FBXO17: variants seen among roughly 807,000 people sequenced by gnomAD.
FBXO17 encodes F-box only protein 17.
FBXO17 carries 43 observed loss-of-function variants against 34.1 expected under a neutral mutation model. That is an observed-to-expected ratio of 1.26 (90% confidence interval 0.99 to 1.62). The LOEUF (loss-of-function observed/expected upper bound fraction) is 1.62. FBXO17 is among the 40% of genes most tolerant of loss of function. The probability of loss-of-function intolerance (pLI) is 0.00; values close to 1 mark genes in which losing one functional copy is unlikely to be tolerated. For synonymous variants in FBXO17, 169 were observed against 166.0 expected (o/e 1.02, Z -0.14); for missense variants, 424 against 386.7 (o/e 1.10, Z -0.81).
intron 3 of FBXO17, 51 bp from the exon 4 acceptor site, chr19:38,946,618 T>G: frequency 6.2e-7 from 1 of 1,604,064 alleles, no homozygotes; most frequent in Non-Finnish European, 8.5e-7. Context: ...GGCATTCAAG[T>G]CACAGTCAGA....
chr19:38,947,204 T>A (rs1171394513), intron 3 of FBXO17: 1 of 152,996 alleles, frequency 6.5e-6, no homozygotes, highest in East Asian at 1.9e-4. Context: ...TAAACAGTCC[T>A]TCTCCTCAAA....
At chr19:38,945,437 G>A in intron 4 of FBXO17, 1 of 313,498 alleles carries the variant, frequency 3.2e-6, no homozygotes, top group Non-Finnish European at 5.8e-6. Context: ...GGGTGGTCCT[G>A]GGGGAGGAGT....
In FBXO17 at chr19:38,969,103, C is replaced by T. The variant is rs185052028; in HGVS notation, c.-18+6483G>A. Among the ~76,000 whole-genome samples the T allele has an allele frequency of 3.3e-5, 5 of 152,122 alleles. No homozygotes were observed. The East Asian group carries it at 7.7e-4, about 23-fold the overall frequency. ...AACTTTGCAATTAAAGCATGTAGGG[C>T]TTAAATATGGAAACAGAACAGACTG... On this transcript the variant is annotated intron_variant, in intron 1 of 5. Transcript: ENST00000292852.
At chr19:38,972,548 G>GAAA (rs71167607) in intron 1 of FBXO17, among the ~76,000 whole-genome samples, 1 of 138,076 alleles carries the variant, frequency 7.2e-6, no homozygotes, top group Non-Finnish European at 1.6e-5. Flanking sequence ...CCATCTCAAA[G>GAAA]AAAAAAAAAA....
In FBXO17 at chr19:38,941,788, C is replaced by T. The variant is rs1974890115; in HGVS notation, c.*820G>A. The T allele has an allele frequency of 6.6e-6, 1 of 152,120 alleles. No homozygotes were observed. Among genetic ancestry groups the T allele is most frequent in the African/African-American group, 2.4e-5 (1 of 41,418 alleles). The allele number at this position is 152,120 out of a possible 1,614,324, so 9.4% of individuals were successfully genotyped here. ...GTGCTGCAGATATTTTGTTTATGGC[C>T]AGTTTTGGGGCCAGTTTATGGCCAG... is the stretch of plus-strand genomic sequence containing the variant. On this transcript the variant is annotated 3_prime_UTR_variant, in exon 6 of 6. Coordinates refer to ENST00000292852, the MANE Select transcript of FBXO17 (RefSeq NM_024907.7).
rs1422451827 is a variant in FBXO17 at position 38,956,311 on chromosome 19, T to C, written c.-17-5975A>G. On this transcript the variant is annotated intron_variant, in intron 1 of 5. Coordinates refer to ENST00000292852, the MANE Select transcript of FBXO17 (RefSeq NM_024907.7). ...ATGTCAGGAATTTTTGCTACATTCA[T>C]GGACTACTTGCCTGACACAGGCTTA... Among the ~76,000 whole-genome samples the C allele has an allele frequency of 2.0e-5, 3 of 151,888 alleles. No individual in the cohort carries two copies. The East Asian group carries it at 5.8e-4, about 29-fold the overall frequency.
In FBXO17 at chr19:38,948,585, CAGGTCTGCGA is replaced by C. The variant is rs1375329744; in HGVS notation, c.433_442del (p.Ser145AlafsTer3). The C allele has an allele frequency of 1.2e-6, 2 of 1,613,896 alleles. No individual in the cohort carries two copies. Among genetic ancestry groups the C allele is most frequent in the Non-Finnish European group, 1.7e-6 (2 of 1,179,936 alleles). On this transcript the variant is annotated frameshift_variant, in exon 3 of 6. Transcript: ENST00000292852. LOFTEE classifies it high-confidence loss of function. ...CACTCACTCGAAAGAGGTCACGAAG[CAGGTCTGCGA>C]AGGAGCCCCAGGCACCGGTGTTAGG...
At chr19:38,969,965 AG>A (rs1462414883) in intron 1 of FBXO17, among the ~76,000 whole-genome samples, 3 of 152,018 alleles carry the variant, frequency 2.0e-5, no homozygotes, top group Non-Finnish European at 4.4e-5. Context: ...ACTCCACCCC[AG>A]AGCCAGAAAA....
At chr19:38,965,902 A>C (rs1380221227) in intron 1 of FBXO17, among the ~76,000 whole-genome samples, 1 of 152,172 alleles carries the variant, frequency 6.6e-6, no homozygotes, top group Non-Finnish European at 1.5e-5. Context: ...TCAGCCTCTC[A>C]AAATGCTGGA....
chr19:38,975,673 C>A lies in FBXO17; in HGVS notation c.-105G>T, dbSNP rs913047430. The A allele has an allele frequency of 1.3e-5, 2 of 151,974 alleles. No homozygotes were observed. The highest frequency in any genetic ancestry group is 2.9e-5 in the Non-Finnish European group (2 of 67,968). 9.4% of individuals were successfully genotyped at this position (151,974 alleles called of 1,614,324 possible). On this transcript the variant is annotated 5_prime_UTR_variant, in exon 1 of 6. Transcript: ENST00000292852. The surrounding 1 kb of genome is among the most constrained non-coding windows in gnomAD (Gnocchi z 4.9). The stretch of plus-strand genomic sequence containing the variant: ...AGGCAGTCGAGGGGCTCCCCGTGAT[C>A]GGCGTGGCCCAGGGGGCCCCGGGAC...
chr19:38,950,191 G>A lies in FBXO17; in HGVS notation c.129C>T (p.Arg43=), dbSNP rs1300078684. The A allele has an allele frequency of 1.9e-6, 3 of 1,556,158 alleles. No individual in the cohort carries two copies. Among genetic ancestry groups the A allele is most frequent in the Middle Eastern group, 1.7e-4 (1 of 6,000 alleles). Residue 43 remains arginine, a synonymous_variant, in exon 2 of 6, where the codon CGC becomes CGT. Coordinates refer to ENST00000292852, the MANE Select transcript of FBXO17 (RefSeq NM_024907.7). The part of the protein sequence containing the change: ...VPPRSLVTRC[R]PVCRAWRDIV... ...TGTCGCGCCAGGCGCGGCACACTGGGCGGCATCGCGTGACCAAGGAGCGTG... is the reference window on the plus strand; with the variant it reads ...TGTCGCGCCAGGCGCGGCACACTGGACGGCATCGCGTGACCAAGGAGCGTG...
rs747808810 is a variant in FBXO17 at position 38,941,574 on chromosome 19, G to A, written c.*1034C>T. On this transcript the variant is annotated 3_prime_UTR_variant, in exon 6 of 6. Transcript: ENST00000292852. ...AATAAAGGGATGGGCTGAAATAAAG[G>A]GATGGGTCTGGCTAGTTATCTGCAG... is the stretch of plus-strand genomic sequence containing the variant. The A allele has an allele frequency of 6.6e-6, 1 of 152,220 alleles. No individual in the cohort carries two copies. The highest frequency in any genetic ancestry group is 1.5e-5 in the Non-Finnish European group (1 of 68,050). 9.4% of individuals were successfully genotyped at this position (152,220 alleles called of 1,614,324 possible).
intron 3 of FBXO17, 48 bp from the exon 4 acceptor site, chr19:38,946,615 A>G: frequency 6.4e-7 from 1 of 1,566,478 alleles, no homozygotes; most frequent in Non-Finnish European, 8.6e-7. Flanking sequence ...CCTGGCATTC[A>G]AGTCACAGTC....
chr19:38,963,568 C>T (rs1975281486), intron 1 of FBXO17, among the ~76,000 whole-genome samples: 1 of 152,154 alleles, frequency 6.6e-6, no homozygotes, highest in Admixed American at 6.5e-5. Flanking sequence ...GCTGGGATTA[C>T]AGGCATGAGC....
intron 1 of FBXO17, chr19:38,952,813 T>C: frequency 2.2e-6 from 1 of 457,420 alleles, no homozygotes; most frequent in Non-Finnish European, 4.4e-6. Context: ...AGCAGCCTCT[T>C]CAGAACCTCA....
chr19:38,969,831 C>G lies in FBXO17; in HGVS notation c.-18+5755G>C, dbSNP rs1230441351. On this transcript the variant is annotated intron_variant, in intron 1 of 5. Coordinates refer to ENST00000292852, the MANE Select transcript of FBXO17 (RefSeq NM_024907.7). ...CAGGCTGGTCTCAACCTCCTGAGCT[C>G]AAGTGATCCTCCTGCCTTGGCTTCC... Among the ~76,000 whole-genome samples the G allele has an allele frequency of 2.0e-5, 3 of 152,048 alleles. No individual in the cohort carries two copies. The East Asian group carries it at 5.8e-4, about 30-fold the overall frequency.
rs1213888816 is a variant in FBXO17, at chr19:38,945,212, T to C, written c.558-108A>G. On this transcript the variant is annotated intron_variant, in intron 4 of 5. Transcript: ENST00000292852. ...CATCTTGATGAAGGTCCTGCACATC[T>C]GGACCACATTTGGAGACGTCCTGGC... 7.8e-5 allele frequency: 112 copies of C among 1,433,076 alleles called. 1 individual carries two copies. The highest frequency in any genetic ancestry group is 1.1e-4 in the Non-Finnish European group (111 of 1,053,164). The allele number at this position is 1,433,076 out of a possible 1,614,324, so 88.8% of individuals were successfully genotyped here.
At chr19:38,952,725 C>G (rs148017894) in intron 1 of FBXO17, 17 of 492,984 alleles carry the variant, frequency 3.4e-5, no homozygotes, top group Middle Eastern at 3.2e-4. Flanking sequence ...CCTCTCTGTT[C>G]CCTGACCTCT....
chr19:38,949,109 AT>A (rs1040849443), intron 2 of FBXO17, among the ~76,000 whole-genome samples: 4 of 150,244 alleles, frequency 2.7e-5, no homozygotes, highest in Admixed American at 2.7e-4. Flanking sequence ...TAATTTTTTA[AT>A]TTTTTTTTGA....
Sources: gnomAD v4.1 joint callset for allele counts (sites outside exome capture counted in the v4.1 genomes callset) on GRCh38, gnomAD v4.1.1 for gene constraint, Gnocchi (gnomAD v3.1) non-coding constraint, MANE v1.5 for transcripts, NCBI Gene and HGNC (gene_info 2026-07-23, HGNC 2026-07-21) for gene names.